The following CTNNA3 variants were observed in gnomAD, a reference collection of about 807,000 sequenced individuals.
CTNNA3 encodes the protein catenin alpha-3.
A neutral mutation model predicts 95.7 loss-of-function variants in CTNNA3; 76 were observed. That is an observed-to-expected ratio of 0.79 (90% CI 0.66 to 0.96). The LOEUF is 0.96. CTNNA3 is among the 40% of genes least tolerant of loss of function. The pLI, the probability that CTNNA3 is intolerant of heterozygous loss-of-function variation, is 0.00. For missense variants in CTNNA3, 1,191 were observed against 1,089.8 expected, an observed-to-expected ratio of 1.09 and a Z score of -1.31; for synonymous variants, 431 against 374.4, an observed-to-expected ratio of 1.15 and a Z score of -1.74.
chr10:66,393,927 A>C (rs1360271069), intron 11 of CTNNA3, among the ~76,000 whole-genome samples: 2 of 152,058 alleles, frequency 1.3e-5, no homozygotes, highest in South Asian at 2.1e-4. Context: ...AAAATGCTAA[A>C]GTCTCATCTG....
intron 5 of CTNNA3, among the ~76,000 whole-genome samples, chr10:67,497,569 T>C (rs891202371): frequency 5.3e-5 from 8 of 152,202 alleles, no homozygotes; most frequent in African/African-American, 1.9e-4. Flanking sequence ...AGCCTTCCTA[T>C]TTCTCCACGT....
intron 5 of CTNNA3, among the ~76,000 whole-genome samples, chr10:67,309,051 C>T (rs530433197): frequency 6.6e-6 from 1 of 152,134 alleles, no homozygotes; most frequent in African/African-American, 2.4e-5. Flanking sequence ...TTGTGAAAAA[C>T]TTTGAAGATA....
chr10:67,577,937 A>G (rs984326401), intron 3 of CTNNA3, among the ~76,000 whole-genome samples: 1 of 148,746 alleles, frequency 6.7e-6, no homozygotes, highest in African/African-American at 2.6e-5. Context: ...ACAGTTTTCC[A>G]TAGAGGCTGT....
At chr10:65,965,393 C>CTTTTTTTTTTTT (rs561552884) in intron 17 of CTNNA3, among the ~76,000 whole-genome samples, 4 of 77,652 alleles carry the variant, frequency 5.2e-5, no homozygotes, top group African/African-American at 2.1e-4. Flanking sequence ...CTCCCCTCTA[C>CTTTTTTTTTTTT]TTTTTTTTTT....
intron 11 of CTNNA3, among the ~76,000 whole-genome samples, chr10:66,515,329 G>C (rs893373117): frequency 2.3e-5 from 3 of 128,026 alleles, no homozygotes; most frequent in Admixed American, 7.7e-5. Context: ...CTCCCTCTCT[G>C]TCTCTCTCTC....
At chr10:66,177,721 T>C in intron 13 of CTNNA3, among the ~76,000 whole-genome samples, 1 of 152,056 alleles carries the variant, frequency 6.6e-6, no homozygotes, top group East Asian at 1.9e-4. Context: ...CCTATATACA[T>C]GTTTTAAATA....
At chr10:66,243,525 C>G (rs1251804458) in intron 13 of CTNNA3, among the ~76,000 whole-genome samples, 1 of 152,100 alleles carries the variant, frequency 6.6e-6, no homozygotes, top group Non-Finnish European at 1.5e-5. Flanking sequence ...TTCTTTCAAC[C>G]AATTGCCGAA....
rs115597095 is a variant in CTNNA3, at chr10:66,557,175, G to A, written c.1375-36402C>T. Among the ~76,000 whole-genome samples, 55 of 151,958 alleles carry A rather than the reference G, an allele frequency of 3.6e-4. 1 individual carries two copies. The South Asian group carries it at 0.011, about 30-fold the overall frequency. On this transcript the variant is annotated intron_variant, in intron 10 of 17. Coordinates refer to ENST00000433211, the MANE Select transcript of CTNNA3 (RefSeq NM_013266.4). ...TCTATTTTTTGTTGAATTGAACAAC[G>A]TGCTTTATATGTGTGCATATTGGGA...
At chr10:65,952,005 G>C (rs1472094075) in intron 17 of CTNNA3, among the ~76,000 whole-genome samples, 1 of 147,852 alleles carries the variant, frequency 6.8e-6, no homozygotes, top group Non-Finnish European at 1.5e-5. Context: ...ACTCCAGACC[G>C]GGCGACAGAG....
intron 5 of CTNNA3, among the ~76,000 whole-genome samples, chr10:67,336,969 A>G (rs551389663): frequency 1.3e-5 from 2 of 152,344 alleles, no homozygotes; most frequent in East Asian, 3.9e-4. Flanking sequence ...ATAGAGATAT[A>G]CAAGGAAATA....
chr10:66,039,245 A>G (rs1016616957), intron 15 of CTNNA3, among the ~76,000 whole-genome samples: 3 of 152,208 alleles, frequency 2.0e-5, no homozygotes, highest in Non-Finnish European at 4.4e-5. Flanking sequence ...GAAATCACAG[A>G]TGACACAAAC....
chr10:67,577,857 G>A (rs1842222866), intron 3 of CTNNA3, among the ~76,000 whole-genome samples: 1 of 150,306 alleles, frequency 6.7e-6, no homozygotes, highest in Non-Finnish European at 1.5e-5. Context: ...GCTTCATTTG[G>A]GTAGATATTC....
intron 13 of CTNNA3, among the ~76,000 whole-genome samples, chr10:66,129,543 C>T (rs961565826): frequency 6.6e-6 from 1 of 152,166 alleles, no homozygotes; most frequent in Non-Finnish European, 1.5e-5. Context: ...CATAGGAGAA[C>T]TGTTGAACGT....
intron 5 of CTNNA3, among the ~76,000 whole-genome samples, chr10:67,270,692 G>A (rs944261989): frequency 1.3e-5 from 2 of 152,150 alleles, no homozygotes; most frequent in African/African-American, 4.8e-5. Flanking sequence ...TAGCTTTTGT[G>A]TAAGCAACAA....
At chr10:66,143,381 T>C (rs1400217744) in intron 13 of CTNNA3, among the ~76,000 whole-genome samples, 1 of 152,154 alleles carries the variant, frequency 6.6e-6, no homozygotes. Context: ...TTTTTAAGTT[T>C]CTTGCTGAAA....
intron 5 of CTNNA3, among the ~76,000 whole-genome samples, chr10:67,408,687 A>C (rs927055371): frequency 6.6e-6 from 1 of 152,150 alleles, no homozygotes. Flanking sequence ...CAAAGATTTC[A>C]TGATGAAGAT....
intron 7 of CTNNA3, among the ~76,000 whole-genome samples, chr10:66,975,775 C>T (rs1181563308): frequency 1.3e-5 from 2 of 152,166 alleles, no homozygotes; most frequent in African/African-American, 4.8e-5. Flanking sequence ...CTCTATTTAG[C>T]ACTCCTTTCT....
intron 13 of CTNNA3, among the ~76,000 whole-genome samples, chr10:66,248,565 G>T (rs1257387654): frequency 6.6e-6 from 1 of 151,742 alleles, no homozygotes; most frequent in Admixed American, 6.6e-5. Context: ...TCATGCCAAT[G>T]GAAACCAAAA....
chr10:66,556,547 A>T (rs1315184453), intron 10 of CTNNA3, among the ~76,000 whole-genome samples: 1 of 152,052 alleles, frequency 6.6e-6, no homozygotes, highest in African/African-American at 2.4e-5. Flanking sequence ...ATTTAGCCTT[A>T]ATAAAGGAGC....
Sources: gnomAD v4.1 joint callset for allele counts (sites outside exome capture counted in the v4.1 genomes callset) on GRCh38, gnomAD v4.1.1 for gene constraint, MANE v1.5 for transcripts, NCBI Gene and HGNC (gene_info 2026-07-23, HGNC 2026-07-21) for gene names.